The following TAF4 variants were observed in gnomAD, a reference collection of about 807,000 sequenced individuals.
TAF4 encodes TATA-box binding protein associated factor 4, also known as transcription initiation factor TFIID subunit 4.
A neutral mutation model predicts 90.3 loss-of-function variants in TAF4; 9 were observed. The ratio of observed to expected loss-of-function variants is 0.10; its 90% CI spans 0.06 to 0.17. The LOEUF is 0.17. TAF4 is among the 10% of genes least tolerant of loss of function. The pLI is 1.00. For missense variants in TAF4, 1,351 were observed against 1,370.7 expected (o/e 0.99, Z 0.23); for synonymous variants, 818 against 638.9 (o/e 1.28, Z -4.23).
At position 62,008,580 on chromosome 20, in the gene TAF4, G is replaced by A. The variant is rs28382074; in HGVS notation, c.1884+472C>T. Among the ~76,000 whole-genome samples the A allele has an allele frequency of 9.1e-4, 139 of 152,170 alleles. 1 individual carries two copies. The East Asian group carries it at 0.025, about 27-fold the overall frequency. On this transcript the variant is annotated intron_variant, in intron 5 of 14. Coordinates refer to ENST00000252996, the MANE Select transcript of TAF4 (RefSeq NM_003185.4). ...TGGGGGGGACGGCTCTGCCACTGGA[G>A]CGCGAATGTGCCTCAGCTGGTCTGC...
In TAF4 at chr20:62,064,967, G is replaced by T; in HGVS notation, c.844C>A (p.Arg282=). Residue 282 remains arginine (R), a synonymous_variant, in exon 1 of 15, where the codon CGG becomes AGG. Transcript: ENST00000252996. ...PPPPAPATLA[R]PPGHPAGPPT... ...GGTCCGGCGGGGTGGCCGGGCGGCC[G>T]GGCCAGAGTGGCGGGCGCGGGGGGT... 2.5e-6 allele frequency: 1 copy of T among 401,594 alleles called. No homozygotes were observed. The highest frequency in any genetic ancestry group is 3.2e-6 in the Non-Finnish European group (1 of 308,082). 24.9% of individuals were successfully genotyped at this position (401,594 alleles called of 1,614,324 possible).
chr20:62,003,340 C>T, intron 8 of TAF4, 66 bp from the exon 9 acceptor site: 1 of 1,335,620 alleles, frequency 7.5e-7, no homozygotes, highest in South Asian at 1.2e-5. Context: ...TGCTTTGGTG[C>T]TTTACAGGCT....
intron 2 of TAF4, among the ~76,000 whole-genome samples, chr20:62,013,805 G>A (rs915932798): frequency 1.3e-5 from 2 of 152,196 alleles, no homozygotes; most frequent in African/African-American, 4.8e-5. Context: ...ACAGACACAC[G>A]CCGGGAGAGG....
intron 14 of TAF4, among the ~76,000 whole-genome samples, chr20:61,993,133 C>A (rs1012233505): frequency 1.3e-5 from 2 of 152,174 alleles, no homozygotes; most frequent in Non-Finnish European, 2.9e-5. Context: ...CAAAAGAACA[C>A]CCCAAAGAGG....
chr20:61,982,320 C>CGA (rs1450462110), intron 14 of TAF4, among the ~76,000 whole-genome samples: 4 of 4,726 alleles, frequency 8.5e-4, no homozygotes, highest in Non-Finnish European at 1.3e-3. Flanking sequence ...ACACCCCATC[C>CGA]GAGGAAACAC....
rs930717289 is a variant in TAF4 at position 62,045,922 on chromosome 20, G to C, written c.1360+18529C>G. 5.9e-5 allele frequency among the ~76,000 whole-genome samples: 9 copies of C among 152,266 alleles called. No individual in the cohort carries two copies. In the South Asian group the frequency reaches 1.9e-3, roughly 32 times the overall value. On this transcript the variant is annotated intron_variant, in intron 1 of 14. Coordinates refer to ENST00000252996, the MANE Select transcript of TAF4 (RefSeq NM_003185.4). The stretch of plus-strand genomic sequence containing the variant: ...GTAACCTCTTTTTCACAACTATAAC[G>C]AACAAATTTTCCTTCTCTCACGCAA...
At chr20:62,033,309 G>T (rs1438812290) in intron 1 of TAF4, among the ~76,000 whole-genome samples, 1 of 152,224 alleles carries the variant, frequency 6.6e-6, no homozygotes. Flanking sequence ...GGAGGTGGCA[G>T]GACAAAGGAG....
At chr20:62,001,216 GATGCCATTGAGACCGGGCCATGAT>G (rs1240608491) in intron 9 of TAF4, among the ~76,000 whole-genome samples, 1 of 152,156 alleles carries the variant, frequency 6.6e-6, no homozygotes, top group African/African-American at 2.4e-5. Context: ...CCAGAAGCAG[GATGCCATTGAGACCGGGCCATGAT>G]GAATGGCCCC....
chr20:62,049,230 G>A (rs551689755), intron 1 of TAF4, among the ~76,000 whole-genome samples: 3 of 152,146 alleles, frequency 2.0e-5, no homozygotes, highest in East Asian at 3.9e-4. Flanking sequence ...AGGATGTGCC[G>A]AGACCCTGCA....
chr20:62,010,182 A>C lies in TAF4; in HGVS notation c.1642-17T>G. ...GAGCTGAGGCTACAAGAATCCAAAA[A>C]CACAAGGTAAGGGCATCTCACGCCA... On this transcript the variant is annotated splice_polypyrimidine_tract_variant and intron_variant, in intron 3 of 14. Transcript: ENST00000252996. The surrounding 1 kb of genome is among the most constrained non-coding windows in gnomAD (Gnocchi z 4.5). 6.2e-7 allele frequency: 1 copy of C among 1,613,500 alleles called. No individual in the cohort carries two copies. Among genetic ancestry groups the C allele is most frequent in the Non-Finnish European group, 8.5e-7 (1 of 1,179,958 alleles).
At position 62,064,445 on chromosome 20, in the gene TAF4, A is replaced by C. The variant is rs1261388983; in HGVS notation, c.1360+6T>G. ...CCCTTCCCTCCCGCCCCGTGCGGCC[A>C]CTCACCTGGGGGCAGCTGGAAGTTC... On this transcript the variant is annotated splice_donor_region_variant and intron_variant, in intron 1 of 14. Coordinates refer to ENST00000252996, the MANE Select transcript of TAF4 (RefSeq NM_003185.4). 10 of 1,387,448 alleles carry C rather than the reference A, an allele frequency of 7.2e-6. No individual in the cohort carries two copies. Among genetic ancestry groups the C allele is most frequent in the Non-Finnish European group, 9.4e-6 (10 of 1,062,498 alleles). 85.9% of individuals were successfully genotyped at this position (1,387,448 alleles called of 1,614,324 possible).
intron 14 of TAF4, among the ~76,000 whole-genome samples, chr20:61,983,498 A>C (rs1044614054): frequency 3.3e-5 from 5 of 152,086 alleles, no homozygotes; most frequent in African/African-American, 1.2e-4. Context: ...CCATTCCTAC[A>C]AAATATTTTA....
At position 61,999,142 on chromosome 20, in the gene TAF4, A is replaced by G. The variant is rs1394717804; in HGVS notation, c.2788-34T>C. On this transcript the variant is annotated intron_variant, in intron 11 of 14. Transcript: ENST00000252996. The stretch of plus-strand genomic sequence containing the variant: ...AAAGTTAAAATACTGCTTGTCATAA[A>G]TCTGAGAGCCCAGCAAGCAAAGGGG... The G allele has an allele frequency of 1.9e-6, 3 of 1,609,822 alleles. No homozygotes were observed. In the Admixed American group the frequency reaches 5.0e-5, roughly 27 times the overall value.
At chr20:61,992,921 T>G (rs1320676546) in intron 14 of TAF4, among the ~76,000 whole-genome samples, 1 of 152,140 alleles carries the variant, frequency 6.6e-6, no homozygotes, top group Admixed American at 6.5e-5. Flanking sequence ...ATGGATTATG[T>G]GCAAGTCCTT....
intron 1 of TAF4, among the ~76,000 whole-genome samples, chr20:62,053,368 C>A (rs966866683): frequency 3.9e-5 from 6 of 152,194 alleles, no homozygotes; most frequent in Admixed American, 3.9e-4. Flanking sequence ...TGCCCTGTGA[C>A]GAGCTCCCGG....
chr20:61,995,173 T>C (rs2055655657), intron 14 of TAF4, among the ~76,000 whole-genome samples: 1 of 152,120 alleles, frequency 6.6e-6, no homozygotes, highest in Non-Finnish European at 1.5e-5. Flanking sequence ...GCATGAGACA[T>C]GCAAGGAGAC....
chr20:62,028,260 C>A (rs148237754), intron 1 of TAF4, among the ~76,000 whole-genome samples: 37 of 152,172 alleles, frequency 2.4e-4, no homozygotes, highest in African/African-American at 7.5e-4. Context: ...CTCAAACATA[C>A]CCCCCAAAAA....
intron 1 of TAF4, among the ~76,000 whole-genome samples, chr20:62,056,029 G>A (rs1213308197): frequency 1.3e-5 from 2 of 152,078 alleles, no homozygotes; most frequent in Non-Finnish European, 2.9e-5. Flanking sequence ...TTGAGGTCAG[G>A]AGTTCGAGAC....
intron 1 of TAF4, among the ~76,000 whole-genome samples, chr20:62,018,957 C>A (rs938009105): frequency 6.6e-6 from 1 of 152,134 alleles, no homozygotes; most frequent in Non-Finnish European, 1.5e-5. Flanking sequence ...TGGCCACCGC[C>A]GCCTCCCCCG....
Sources: gnomAD v4.1 joint callset for allele counts (sites outside exome capture counted in the v4.1 genomes callset) on GRCh38, gnomAD v4.1.1 for gene constraint, Gnocchi (gnomAD v3.1) non-coding constraint, MANE v1.5 for transcripts, NCBI Gene and HGNC (gene_info 2026-07-23, HGNC 2026-07-21) for gene names.